The following MIDEAS variants were observed in gnomAD, a reference collection of about 807,000 sequenced individuals.
MIDEAS encodes the protein mitotic deacetylase associated SANT domain protein, also known as mitotic deacetylase-associated SANT domain protein.
In MIDEAS, 26 loss-of-function variants were observed where a neutral mutation model predicts 102.7. That is an observed-to-expected ratio of 0.25 (90% CI 0.19 to 0.35). MIDEAS has a LOEUF of 0.35. MIDEAS is among the 10% of genes least tolerant of loss of function. The pLI, the probability that MIDEAS is intolerant of heterozygous loss-of-function variation, is 1.00. For missense variants in MIDEAS, 1,231 were observed against 1,435.6 expected (o/e 0.86, Z 2.30); for synonymous variants, 585 against 591.0 (o/e 0.99, Z 0.15).
At chr14:73,781,802 C>A (rs904471229) in intron 1 of MIDEAS, among the ~76,000 whole-genome samples, 2 of 148,136 alleles carry the variant, frequency 1.4e-5, no homozygotes, top group Non-Finnish European at 3.0e-5. Flanking sequence ...AATCTCAACA[C>A]TTTTTGAGGT....
At chr14:73,721,152 G>A (rs2140094798) in intron 11 of MIDEAS, 145 bp downstream of exon 11, 1 of 756,274 alleles carries the variant, frequency 1.3e-6, no homozygotes, top group South Asian at 1.7e-5. Context: ...AGGATTAAAT[G>A]AGTTAACAGC....
At chr14:73,756,291 T>TGGGC (rs769614163) in intron 1 of MIDEAS, among the ~76,000 whole-genome samples, 1 of 75,738 alleles carries the variant, frequency 1.3e-5, no homozygotes, top group South Asian at 5.6e-4. Context: ...TGTGTGTGTG[T>TGGGC]GTGTGCGCGC....
chr14:73,719,656 A>G (rs1377051800), intron 11 of MIDEAS, among the ~76,000 whole-genome samples, 155 bp from the exon 12 acceptor site: 1 of 151,640 alleles, frequency 6.6e-6, no homozygotes, highest in Non-Finnish European at 1.5e-5. Context: ...TATGACGACC[A>G]TTGCCTCCTC....
chr14:73,782,158 T>C (rs2053763409), intron 1 of MIDEAS, among the ~76,000 whole-genome samples: 1 of 152,186 alleles, frequency 6.6e-6, no homozygotes. Context: ...GAATCTGGCT[T>C]ATGAGGCAAG....
At chr14:73,777,860 T>C (rs2053705716) in intron 1 of MIDEAS, among the ~76,000 whole-genome samples, 1 of 151,912 alleles carries the variant, frequency 6.6e-6, no homozygotes, top group African/African-American at 2.4e-5. Flanking sequence ...CACCTTGACA[T>C]TGATACCTGC....
rs1335084386 is a variant in MIDEAS, at chr14:73,718,083, C to G, written c.*760G>C. ...AGCTCTCTCGGGCCTAACCCTGCAG[C>G]TTCCAGCCTCCGTACAGCTCCCTTC... On this transcript the variant is annotated 3_prime_UTR_variant, in exon 13 of 13. Coordinates refer to ENST00000423556, the MANE Select transcript of MIDEAS (RefSeq NM_001367710.1). 6.6e-6 allele frequency: 1 copy of G among 152,518 alleles called. No individual in the cohort carries two copies. The highest frequency in any genetic ancestry group is 2.4e-5 in the African/African-American group (1 of 41,474). The allele number at this position is 152,518 out of a possible 1,614,324, so 9.4% of individuals were successfully genotyped here. A position where few individuals can be genotyped will look rare whatever the true frequency, so the allele number is the denominator to read the frequency against.
In MIDEAS at chr14:73,737,252, T is replaced by C. The variant is rs779974107; in HGVS notation, c.1495A>G (p.Thr499Ala). ...EEKRKSVLAS[T>A]TKCGVEFSEP... ...GAAAACTCCACCCCACACTTGGTAG[T>C]TGAGGCCAATACACTTTTCCGCTTC... Residue 499 changes from threonine to alanine, a missense_variant, in exon 3 of 13, where the codon ACT becomes GCT. Physicochemically the swap from Thr to Ala is moderately conservative, Grantham distance 58. Transcript: ENST00000423556. The C allele has an allele frequency of 3.1e-6, 5 of 1,613,984 alleles. No individual in the cohort carries two copies. In the South Asian group the frequency reaches 4.4e-5, roughly 14 times the overall value.
At chr14:73,783,509 G>C (rs2053775431) in intron 1 of MIDEAS, among the ~76,000 whole-genome samples, 1 of 152,210 alleles carries the variant, frequency 6.6e-6, no homozygotes, top group Non-Finnish European at 1.5e-5. Flanking sequence ...TGCCGGCCTA[G>C]AAGTTTGATC....
chr14:73,777,780 G>A (rs1206187632), intron 1 of MIDEAS, among the ~76,000 whole-genome samples: 1 of 151,986 alleles, frequency 6.6e-6, no homozygotes, highest in East Asian at 1.9e-4. Context: ...AACCTTTCCT[G>A]ACATGCCTCT....
At position 73,717,040 on chromosome 14, in the gene MIDEAS, GAGA is replaced by G. The variant is rs2052902895; in HGVS notation, c.*1800_*1802del. ...AGGTAGTCATCCAAGAGTCTGGAGG[GAGA>G]AGAAATTTGTTACTTCCACAGCTGG... On this transcript the variant is annotated 3_prime_UTR_variant, in exon 13 of 13. Transcript: ENST00000423556. The G allele has an allele frequency of 6.6e-6, 1 of 152,570 alleles. No homozygotes were observed. Among genetic ancestry groups the G allele is most frequent in the Non-Finnish European group, 1.5e-5 (1 of 68,070 alleles). 9.5% of individuals were successfully genotyped at this position (152,570 alleles called of 1,614,324 possible).
In MIDEAS at chr14:73,779,539, A is replaced by AT. The variant is rs113477317; in HGVS notation, c.-248+7562dup. On this transcript the variant is annotated intron_variant, in intron 1 of 11. Coordinates refer to the MIDEAS transcript ENST00000394071. ...AGGTTAATCTTGATTACATTCTTTT[A>AT]TTTTTTTTTAATTTGTTTATTATTA... Among the ~76,000 whole-genome samples the AT allele has an allele frequency of 1.9e-4, 26 of 139,416 alleles. 1 individual carries two copies. Among genetic ancestry groups the AT allele is most frequent in the African/African-American group, 2.8e-4 (11 of 38,776 alleles). 91.5% of individuals were successfully genotyped at this position (139,416 alleles called of 152,430 possible).
intron 3 of MIDEAS, among the ~76,000 whole-genome samples, chr14:73,731,228 T>C (rs1301098576): frequency 6.6e-6 from 1 of 152,190 alleles, no homozygotes; most frequent in African/African-American, 2.4e-5. Flanking sequence ...AGCACCCAGT[T>C]TATCCCTCTG....
At position 73,739,377 on chromosome 14, in the gene MIDEAS, G is replaced by A. The variant is rs888878163; in HGVS notation, c.632C>T (p.Ser211Leu). 1 of 1,589,626 alleles carries A rather than the reference G, an allele frequency of 6.3e-7. No individual in the cohort carries two copies. The highest frequency in any genetic ancestry group is 1.3e-5 in the African/African-American group (1 of 74,636). Residue 211 changes from serine (S) to leucine (L), a missense_variant, in exon 2 of 13, where the codon TCA becomes TTA. Ser to Leu is a moderately radical substitution (Grantham distance 145). Coordinates refer to ENST00000423556, the MANE Select transcript of MIDEAS (RefSeq NM_001367710.1). Reference sequence around the variant, plus strand: ...CAGCTGGAAGGGTTGCAGGGGCAGTGACTGGTTTGGGGGTTTCTTGGCTGC... The same window carrying A: ...CAGCTGGAAGGGTTGCAGGGGCAGTAACTGGTTTGGGGGTTTCTTGGCTGC... ...FHAAKKPPNQ[S>L]LPLQPFQLAF... is the part of the protein sequence containing the mutation.
chr14:73,726,745 C>T, intron 6 of MIDEAS, 38 bp from the exon 7 acceptor site: 1 of 1,613,514 alleles, frequency 6.2e-7, no homozygotes, highest in Non-Finnish European at 8.5e-7. Context: ...GGGGAGGAAA[C>T]CACGTTCAGG....
intron 1 of MIDEAS, among the ~76,000 whole-genome samples, chr14:73,779,599 C>G (rs2053730709): frequency 8.4e-6 from 1 of 119,600 alleles, no homozygotes; most frequent in South Asian, 2.8e-4. Flanking sequence ...GAGACGGAGT[C>G]TCGCTCTGTC....
At chr14:73,758,718 CCCCTTT>C (rs1166904432) in intron 1 of MIDEAS, 1 of 154,496 alleles carries the variant, frequency 6.5e-6, no homozygotes, top group Non-Finnish European at 1.5e-5. Context: ...CATATAACTT[CCCCTTT>C]CATCTTCTCA....
rs762076856 is a variant in MIDEAS, at chr14:73,737,096, C to G, written c.1651G>C (p.Gly551Arg). ...AAQAGGLDED[G>R]KGPEQNPAEH... ...GCAGGGTTCTGTTCAGGACCCTTCC[C>G]GTCCTCATCAAGACCTCCAGCCTGG... Residue 551 changes from glycine to arginine, a missense_variant, in exon 3 of 13, where the codon GGG becomes CGG. Gly to Arg is a moderately radical substitution (Grantham distance 125). Around this residue, in one of 5 missense-constraint regions of MIDEAS, gnomAD observed 758 missense variants for 856.0 expected, o/e 0.89. Transcript: ENST00000423556. 4 of 1,614,078 alleles carry G rather than the reference C, an allele frequency of 2.5e-6. No individual in the cohort carries two copies. In the South Asian group the frequency reaches 4.4e-5, roughly 18 times the overall value.
intron 3 of MIDEAS, among the ~76,000 whole-genome samples, chr14:73,735,936 C>G (rs888650504): frequency 1.3e-5 from 2 of 152,090 alleles, no homozygotes; most frequent in Non-Finnish European, 2.9e-5. Flanking sequence ...GCGGGCAGGT[C>G]ACTTGAGGTC....
At chr14:73,756,295 T>TGTGTGTGTGTGTGTGC (rs55692592) in intron 1 of MIDEAS, among the ~76,000 whole-genome samples, 237 of 127,702 alleles carry the variant, frequency 1.9e-3, no homozygotes, top group Middle Eastern at 4.7e-3. Flanking sequence ...TGTGTGTGTG[T>TGTGTGTGTGTGTGTGC]GCGCGCGCGC....
Sources: allele counts gnomAD v4.1 joint callset (sites outside exome capture counted in the v4.1 genomes callset), GRCh38; gene constraint gnomAD v4.1.1; regional missense constraint gnomAD v4.1.1; transcripts MANE v1.5; gene names NCBI Gene and HGNC (gene_info 2026-07-23, HGNC 2026-07-21).